Variants in MRAP observed in about 807,000 individuals in gnomAD.
MRAP encodes the protein melanocortin 2 receptor accessory protein.
Under a neutral mutation model 8.7 loss-of-function variants are expected in MRAP, and 8 were observed. The observed-to-expected ratio is 0.92, with a 90% confidence interval of 0.54 to 1.66. MRAP has a LOEUF of 1.66. Among genes scored for constraint, MRAP ranks in the 40% most tolerant of loss-of-function variants. The probability of loss-of-function intolerance (pLI) is 0.00; values close to 1 mark genes in which losing one functional copy is unlikely to be tolerated. For missense variants in MRAP, 237 were observed against 217.1 expected (o/e 1.09, Z -0.58); for synonymous variants, 95 against 95.5 (o/e 1.00, Z 0.03).
intron 2 of MRAP, 170 bp downstream of exon 2, chr21:32,306,909 C>A (rs2032434383): frequency 8.8e-6 from 6 of 682,270 alleles, no homozygotes; most frequent in Non-Finnish European, 1.6e-5. Context: ...ATCCAAAAAT[C>A]CGAAATATTC....
rs113138097 is a variant in MRAP, at chr21:32,310,301, G to A, written c.207-1383G>A. ...CAAAGTGGATCCTCAGCAAGATTTA[G>A]GAGTCATTCCCTGAGGAGCTGACAC... On this transcript the variant is annotated intron_variant, in intron 2 of 2. Transcript: ENST00000303645. Among the ~76,000 whole-genome samples the A allele has an allele frequency of 1.8e-3, 273 of 152,186 alleles. 1 individual carries two copies. The highest frequency in any genetic ancestry group is 6.8e-3 in the Middle Eastern group (2 of 294).
rs1269670301 is a variant in MRAP at position 32,311,918 on chromosome 21, C to T, written c.441C>T (p.Thr147=). ...QTHPTLLWEL[T]LNGGPLVRSK... is the part of the protein sequence containing the mutation. ...ACCCCACTCTCCTCTGGGAACTGAC[C>T]CTCAATGGGGGTCCCCTCGTCAGGA... The change falls in exon 3 of 3, where the codon ACC becomes ACT. Residue 147 remains threonine (T), a synonymous_variant. Coordinates refer to ENST00000303645, the MANE Select transcript of MRAP (RefSeq NM_001379228.1). 1 of 1,613,722 alleles carries T rather than the reference C, an allele frequency of 6.2e-7. No individual in the cohort carries two copies. The highest frequency in any genetic ancestry group is 1.3e-5 in the African/African-American group (1 of 74,934).
At chr21:32,303,016 A>G (rs977834572) in intron 1 of MRAP, among the ~76,000 whole-genome samples, 2 of 125,112 alleles carry the variant, frequency 1.6e-5, no homozygotes, top group Non-Finnish European at 1.6e-5. Context: ...GTCTCACTCT[A>G]TCACCCAGGC....
In MRAP at chr21:32,299,053, G is replaced by A. The variant is rs766182053; in HGVS notation, c.82G>A (p.Glu28Lys). ...LDYLDLIPVD[E>K]KKLKAHKHSI... is the part of the protein sequence containing the mutation. ...CTATCTGGACCTCATTCCCGTGGAC[G>A]AGAAGAAGCTGAAAGCCCACAAACG... Residue 28 changes from glutamate (E) to lysine (K), a missense_variant, in exon 1 of 3, where the codon GAG (glutamate) becomes AAG (lysine). By Grantham distance (56) the Glu-to-Lys change is moderately conservative. Coordinates refer to ENST00000303645, the MANE Select transcript of MRAP (RefSeq NM_001379228.1). 8.7e-6 allele frequency: 14 copies of A among 1,613,938 alleles called. No individual in the cohort carries two copies. The highest frequency in any genetic ancestry group is 4.0e-5 in the African/African-American group (3 of 74,944).
chr21:32,310,271 G>C (rs796966198), intron 2 of MRAP, among the ~76,000 whole-genome samples: 5 of 152,224 alleles, frequency 3.3e-5, no homozygotes, highest in African/African-American at 1.2e-4. Context: ...GAATGCTCAG[G>C]GCGGCAAAGT....
At chr21:32,311,637 T>C (rs764897258) in intron 2 of MRAP, 47 bp from the exon 3 acceptor site, 4 of 1,603,346 alleles carry the variant, frequency 2.5e-6, no homozygotes, top group Non-Finnish European at 3.4e-6. Flanking sequence ...GTATGGACTG[T>C]TCTGCAGCAA....
upstream of MRAP, among the ~76,000 whole-genome samples, chr21:32,295,219 C>T (rs1433480885): frequency 6.6e-6 from 1 of 152,092 alleles, no homozygotes; most frequent in Non-Finnish European, 1.5e-5. Flanking sequence ...AGCTTTAGAG[C>T]AGGAACGAAA....
At chr21:32,306,887 T>C (rs1038625236) in intron 2 of MRAP, 148 bp downstream of exon 2, 25 of 726,692 alleles carry the variant, frequency 3.4e-5, no homozygotes, top group Middle Eastern at 6.5e-4. Context: ...ACCTACCAGC[T>C]GAGCATCTCA....
At position 32,306,755 on chromosome 21, in the gene MRAP, TG is replaced by T. The variant is rs748874335; in HGVS notation, c.206+17del. 129 of 1,601,360 alleles carry T rather than the reference TG, an allele frequency of 8.1e-5. No homozygotes were observed. Among genetic ancestry groups the T allele is most frequent in the Non-Finnish European group, 1.0e-4 (122 of 1,168,696 alleles). On this transcript the variant is annotated intron_variant, in intron 2 of 2. Transcript: ENST00000303645. ...CGCAGATGAGGTGGGTAAGAAGGGG[TG>T]TGAGTCTGTGGGTCACTCAGACGCT...
chr21:32,305,909 G>T (rs2032404399), intron 1 of MRAP, among the ~76,000 whole-genome samples: 1 of 152,128 alleles, frequency 6.6e-6, no homozygotes, highest in Non-Finnish European at 1.5e-5. Flanking sequence ...GGCCAGCCAG[G>T]TTCTACCCAG....
intron 2 of MRAP, 79 bp downstream of exon 2, chr21:32,306,818 T>A: frequency 8.9e-7 from 1 of 1,125,430 alleles, no homozygotes; most frequent in Non-Finnish European, 1.3e-6. Context: ...GTATCCCTCA[T>A]CCAAAATGCT....
intron 2 of MRAP, 138 bp from the exon 3 acceptor site, chr21:32,311,546 T>A: frequency 7.8e-7 from 1 of 1,281,444 alleles, no homozygotes; most frequent in Non-Finnish European, 1.1e-6. Flanking sequence ...TGGCTGACCC[T>A]TCTCAGGAAT....
downstream of MRAP, chr21:32,314,568 C>CAGAACACT: frequency 1.2e-6 from 2 of 1,614,120 alleles, no homozygotes; most frequent in Non-Finnish European, 1.7e-6. Context: ...ACAGATGAAT[C>CAGAACACT]TCTTCTGCAT....
At chr21:32,292,366 A>C (rs962377909) in intron 1 of MRAP, among the ~76,000 whole-genome samples, 1 of 152,204 alleles carries the variant, frequency 6.6e-6, no homozygotes, top group African/African-American at 2.4e-5. Context: ...CAAATGTTGA[A>C]ATTATCTATG....
intron 1 of MRAP, among the ~76,000 whole-genome samples, chr21:32,299,900 T>C (rs1461914035): frequency 6.6e-6 from 1 of 152,172 alleles, no homozygotes; most frequent in Non-Finnish European, 1.5e-5. Context: ...TTGGCTAACG[T>C]GGCATGTGTG....
chr21:32,310,335 G>A (rs566306198), intron 2 of MRAP, among the ~76,000 whole-genome samples: 8 of 150,626 alleles, frequency 5.3e-5, no homozygotes, highest in African/African-American at 1.7e-4. Context: ...ACCTTCCCAT[G>A]ATGGGGGGGG....
chr21:32,297,326 T>G (rs2123493013), upstream of MRAP, among the ~76,000 whole-genome samples: 1 of 152,296 alleles, frequency 6.6e-6, no homozygotes, highest in Admixed American at 6.5e-5. Flanking sequence ...CATTCACTGA[T>G]AGCCAGTGAT....
At position 32,306,659 on chromosome 21, in the gene MRAP, C is replaced by T. The variant is rs769898813; in HGVS notation, c.126C>T (p.Phe42=). The part of the protein sequence containing the change: ...KAHKHSIVIA[F]WVSLAAFVVL... ...CCGCAGATTCCATCGTGATCGCATTCTGGGTGAGCCTGGCTGCCTTCGTGG... is the reference window on the plus strand; with the variant it reads ...CCGCAGATTCCATCGTGATCGCATTTTGGGTGAGCCTGGCTGCCTTCGTGG... Residue 42 remains phenylalanine (F), a synonymous_variant, in exon 2 of 3, where the codon TTC becomes TTT. Transcript: ENST00000303645. The T allele has an allele frequency of 9.3e-6, 15 of 1,614,018 alleles. No homozygotes were observed. Among genetic ancestry groups the T allele is most frequent in the African/African-American group, 8.0e-5 (6 of 74,910 alleles).
intron 1 of MRAP, among the ~76,000 whole-genome samples, chr21:32,303,139 C>T (rs1218356720): frequency 6.6e-6 from 1 of 152,064 alleles, no homozygotes; most frequent in African/African-American, 2.4e-5. Context: ...GCCACCATAT[C>T]TGACTAATTT....
Sources: allele counts gnomAD v4.1 joint callset (sites outside exome capture counted in the v4.1 genomes callset), GRCh38; gene constraint gnomAD v4.1.1; transcripts MANE v1.5; gene names NCBI Gene and HGNC (gene_info 2026-07-23, HGNC 2026-07-21).